MIDN: variants seen among roughly 807,000 people sequenced by gnomAD.
The protein encoded by MIDN is midnolin, also known as midbrain nucleolar protein.
MIDN carries 26 observed loss-of-function variants against 46.1 expected under a neutral mutation model. That is an observed-to-expected ratio of 0.56 (90% confidence interval 0.41 to 0.78). The LOEUF is 0.78. Among genes scored for constraint, MIDN ranks in the 30% least tolerant of loss-of-function variants. The pLI is 0.00. For missense variants in MIDN, 850 were observed against 771.8 expected (o/e 1.10, Z -1.20); for synonymous variants, 432 against 343.3 (o/e 1.26, Z -2.86).
Position 1,250,537 on chromosome 19 carries a change from C to G in MIDN, c.233+8C>G, listed in dbSNP as rs546808029. ...TCTTCTCCACAAAGACACGTAGGTACCGCGCGCCCCCGGCCGGCCGCCCCC... is the reference window on the plus strand; with the variant it reads ...TCTTCTCCACAAAGACACGTAGGTAGCGCGCGCCCCCGGCCGGCCGCCCCC... On this transcript the variant is annotated splice_region_variant and intron_variant, in intron 2 of 8. Transcript: ENST00000682408. 3 of 1,211,778 alleles carry G rather than the reference C, an allele frequency of 2.5e-6. No individual in the cohort carries two copies. The highest frequency in any genetic ancestry group is 3.2e-6 in the Non-Finnish European group (3 of 952,250). The allele number at this position is 1,211,778 out of a possible 1,614,324, so 75.1% of individuals were successfully genotyped here. A position where few individuals can be genotyped will look rare whatever the true frequency, so the allele number is the denominator to read the frequency against.
intron 3 of MIDN, 34 bp downstream of exon 3, chr19:1,251,683 C>G (rs761591678): frequency 6.3e-7 from 1 of 1,583,626 alleles, no homozygotes; most frequent in Non-Finnish European, 8.6e-7. Context: ...CCCCCAGAGG[C>G]CCCCGCACAC....
rs768145247 is a variant in MIDN at position 1,258,965 on chromosome 19, C to G, written c.*1693C>G. The G allele has an allele frequency of 6.6e-5, 10 of 151,904 alleles. No individual in the cohort carries two copies. Among genetic ancestry groups the G allele is most frequent in the Admixed American group, 1.3e-4 (2 of 15,262 alleles). 9.4% of individuals were successfully genotyped at this position (151,904 alleles called of 1,614,324 possible). ...GGTGGAACCTCCAGGCAGGAACCGGCTCGCCACCCTCTGCCCGGTAAGGGC... is the reference window on the plus strand; with the variant it reads ...GGTGGAACCTCCAGGCAGGAACCGGGTCGCCACCCTCTGCCCGGTAAGGGC... On this transcript the variant is annotated 3_prime_UTR_variant, in exon 9 of 9. Coordinates refer to ENST00000682408, the MANE Select transcript of MIDN (RefSeq NM_001388306.1).
intron 2 of MIDN, among the ~76,000 whole-genome samples, chr19:1,251,071 G>A (rs2081120942): frequency 6.6e-6 from 1 of 151,938 alleles, no homozygotes; most frequent in Non-Finnish European, 1.5e-5. Flanking sequence ...GGGGCGGAGG[G>A]GGAGGGTCTC....
At chr19:1,253,727 C>T (rs2081162505) in intron 4 of MIDN, 2 of 238,046 alleles carry the variant, frequency 8.4e-6, no homozygotes, top group South Asian at 4.8e-5. Context: ...ACTTGCTGGC[C>T]CTGGTGACTT....
In MIDN at chr19:1,255,676, C is replaced by T. The variant is rs1164743688; in HGVS notation, c.1240C>T (p.Arg414Cys). The T allele has an allele frequency of 3.3e-5, 52 of 1,591,548 alleles. No individual in the cohort carries two copies. Among genetic ancestry groups the T allele is most frequent in the Middle Eastern group, 1.7e-4 (1 of 6,018 alleles). The change falls in exon 8 of 9, where the codon CGC becomes TGC. Residue 414 changes from arginine (R) to cysteine (C), a missense_variant. By Grantham distance (180) the Arg-to-Cys change is radical. Coordinates refer to ENST00000682408, the MANE Select transcript of MIDN (RefSeq NM_001388306.1). ...CCTGCTGCAGGGCCAGAGCCAGATC[C>T]GCATGTGCAAGCCCCCGGGTGAGTG... The part of the protein sequence containing the change: ...ASLLQGQSQI[R>C]MCKPPGDRLR...
chr19:1,251,553 T>A lies in MIDN; in HGVS notation c.234-9T>A. ...CGCGGAGTCTCATGCTCTTCCTTCC[T>A]CCCCCCAGCCGGCTCAGTTCGGGGA... On this transcript the variant is annotated splice_polypyrimidine_tract_variant and intron_variant, in intron 2 of 8. Transcript: ENST00000682408. 6.2e-7 allele frequency: 1 copy of A among 1,605,952 alleles called. No individual in the cohort carries two copies. Among genetic ancestry groups the A allele is most frequent in the Non-Finnish European group, 8.5e-7 (1 of 1,177,356 alleles).
At chr19:1,255,138 G>A (rs2081182649) in intron 7 of MIDN, 77 bp downstream of exon 7, 19 of 1,500,316 alleles carry the variant, frequency 1.3e-5, no homozygotes, top group Non-Finnish European at 1.5e-5. Flanking sequence ...CCACCCACAG[G>A]CGACTCCACA....
At chr19:1,254,833 C>A (rs1171590006) in intron 6 of MIDN, 69 bp from the exon 7 acceptor site, 25 of 1,516,958 alleles carry the variant, frequency 1.6e-5, no homozygotes, top group Non-Finnish European at 2.0e-5. Flanking sequence ...TGGGTGATCT[C>A]TGGTCCCTGG....
chr19:1,255,367 C>T, intron 7 of MIDN, 55 bp from the exon 8 acceptor site: 4 of 1,518,608 alleles, frequency 2.6e-6, no homozygotes, highest in East Asian at 2.4e-5. Flanking sequence ...GACGCCCGTC[C>T]TGGACATGCG....
chr19:1,255,471 C>G lies in MIDN; in HGVS notation c.1035C>G (p.Asp345Glu). The stretch of plus-strand genomic sequence containing the variant: ...ACAGCAGCGGGCGGCCGCGGCGTGA[C>G]ATCGGCACCATCCTGCAGATCCTGA... ...CQDSSGRPRR[D>E]IGTILQILND... The change falls in exon 8 of 9, where the codon GAC becomes GAG. Residue 345 changes from aspartate to glutamate, a missense_variant. Asp to Glu is a conservative substitution (Grantham distance 45). Coordinates refer to ENST00000682408, the MANE Select transcript of MIDN (RefSeq NM_001388306.1). 6.2e-7 allele frequency: 1 copy of G among 1,609,124 alleles called. No homozygotes were observed. Among genetic ancestry groups the G allele is most frequent in the Non-Finnish European group, 8.5e-7 (1 of 1,178,434 alleles).
At position 1,257,363 on chromosome 19, in the gene MIDN, G is replaced by C. The variant is rs1469144273; in HGVS notation, c.*91G>C. 103 of 1,030,438 alleles carry C rather than the reference G, an allele frequency of 1.0e-4. No individual in the cohort carries two copies. The East Asian group carries it at 2.6e-3, about 26-fold the overall frequency. The allele number at this position is 1,030,438 out of a possible 1,614,324, so 63.8% of individuals were successfully genotyped here. On this transcript the variant is annotated 3_prime_UTR_variant, in exon 9 of 9. Coordinates refer to ENST00000682408, the MANE Select transcript of MIDN (RefSeq NM_001388306.1). ...CCGGAGAGAACGTGGCCCAGCCCTG[G>C]AGGGCAGGCGGCCACTCCCCCAGCC...
chr19:1,254,398 A>G lies in MIDN; in HGVS notation c.745A>G (p.Thr249Ala), dbSNP rs941670480. Residue 249 changes from threonine to alanine, a missense_variant, in exon 6 of 9, where the codon ACC becomes GCC. Physicochemically the swap from Thr to Ala is moderately conservative, Grantham distance 58 (BLOSUM62 0). Coordinates refer to ENST00000682408, the MANE Select transcript of MIDN (RefSeq NM_001388306.1). ...SSAARVPPVP[T>A]SPSPASPSPI... The stretch of plus-strand genomic sequence containing the variant: ...TGCCGCCCGAGTCCCCCCGGTGCCC[A>G]CCAGCCCGTCCCCTGCATCTCCCTC... 2.6e-6 allele frequency: 4 copies of G among 1,562,438 alleles called. No individual in the cohort carries two copies. In the South Asian group the frequency reaches 3.5e-5, roughly 14 times the overall value.
chr19:1,253,456 G>A (rs1568786780), intron 4 of MIDN, among the ~76,000 whole-genome samples: 1 of 151,426 alleles, frequency 6.6e-6, no homozygotes, highest in Non-Finnish European at 1.5e-5. Flanking sequence ...GGGAGAGCAG[G>A]GCTCTGGCCC....
rs777741643 is a variant in MIDN, at chr19:1,256,986, C to A, written c.1259-9C>A. On this transcript the variant is annotated splice_polypyrimidine_tract_variant and intron_variant, in intron 8 of 8. Coordinates refer to ENST00000682408, the MANE Select transcript of MIDN (RefSeq NM_001388306.1). ...CTTTGGGAGTCACAGGCCACTACCT[C>A]CTTTGCAGGGGACCGGCTTCGGCAG... The A allele has an allele frequency of 6.2e-7, 1 of 1,607,386 alleles. No individual in the cohort carries two copies. The highest frequency in any genetic ancestry group is 1.1e-5 in the South Asian group (1 of 91,078).
At chr19:1,251,284 G>A (rs1394917975) in intron 2 of MIDN, 9 of 466,550 alleles carry the variant, frequency 1.9e-5, no homozygotes, top group Admixed American at 4.2e-5. Context: ...GGGCCCAGAG[G>A]AGGAGAAAGT....
At chr19:1,253,245 C>T (rs2081155208) in intron 4 of MIDN, among the ~76,000 whole-genome samples, 1 of 151,856 alleles carries the variant, frequency 6.6e-6, no homozygotes, top group African/African-American at 2.4e-5. Context: ...GCCGGGCAGG[C>T]TGGGCCGCAG....
At position 1,254,921 on chromosome 19, in the gene MIDN, C is replaced by T. The variant is rs765726789; in HGVS notation, c.845C>T (p.Thr282Met). Residue 282 changes from threonine (T) to methionine (M), a missense_variant, in exon 7 of 9, where the codon ACG becomes ATG. By Grantham distance (81) the Thr-to-Met change is moderately conservative (BLOSUM62 -1). Coordinates refer to ENST00000682408, the MANE Select transcript of MIDN (RefSeq NM_001388306.1). The stretch of plus-strand genomic sequence containing the variant: ...CATCAGCAGATGGACTGCTCCCCCA[C>T]GGCCAGCAGCAGTGCCAGTCCTGGT... Reference protein sequence around the residue: ...TCPEQMDCSPTASSSASPGAS... With the variant: ...TCPEQMDCSPMASSSASPGAS... The T allele has an allele frequency of 5.8e-5, 94 of 1,607,652 alleles. No individual in the cohort carries two copies. The highest frequency in any genetic ancestry group is 1.1e-4 in the South Asian group (10 of 90,948).
In MIDN at chr19:1,257,537, C is replaced by A; in HGVS notation, c.*265C>A. On this transcript the variant is annotated 3_prime_UTR_variant, in exon 9 of 9. Transcript: ENST00000682408. The stretch of plus-strand genomic sequence containing the variant: ...TCCTCTTCCTCCTCCTCCTCCTCCT[C>A]CGTCTGTCTCCTTTCACCTCTGCGC... The A allele has an allele frequency of 2.3e-6, 1 of 441,164 alleles. No individual in the cohort carries two copies. The highest frequency in any genetic ancestry group is 4.1e-5 in the East Asian group (1 of 24,358). The allele number at this position is 441,164 out of a possible 1,614,324, so 27.3% of individuals were successfully genotyped here.
chr19:1,258,429 C>T lies in MIDN; in HGVS notation c.*1157C>T, dbSNP rs1385297478. ...CCCCCTGCCTCTCAGTGCCCCTGCC[C>T]TAGGGGTGTCTGTCTCCAGAGGGGA... On this transcript the variant is annotated 3_prime_UTR_variant, in exon 9 of 9. Transcript: ENST00000682408. 1 of 152,570 alleles carries T rather than the reference C, an allele frequency of 6.6e-6. No homozygotes were observed. The highest frequency in any genetic ancestry group is 2.4e-5 in the African/African-American group (1 of 41,458). The allele number at this position is 152,570 out of a possible 1,614,324, so 9.5% of individuals were successfully genotyped here.
Sources: gnomAD v4.1 joint callset for allele counts (sites outside exome capture counted in the v4.1 genomes callset) on GRCh38, gnomAD v4.1.1 for gene constraint, MANE v1.5 for transcripts, NCBI Gene and HGNC (gene_info 2026-07-23, HGNC 2026-07-21) for gene names.